Variants in TGFBR3 observed in about 807,000 individuals in gnomAD.
TGFBR3 encodes transforming growth factor beta receptor 3.
In TGFBR3, 46 loss-of-function variants were observed where a neutral mutation model predicts 87.9. That is an observed-to-expected ratio of 0.52 (90% CI 0.41 to 0.67). TGFBR3 has a LOEUF of 0.67. Among genes scored for constraint, TGFBR3 ranks in the 30% least tolerant of loss-of-function variants. The probability of loss-of-function intolerance (pLI) is 0.00; values close to 1 mark genes in which losing one functional copy is unlikely to be tolerated. For synonymous variants in TGFBR3, 381 were observed against 391.6 expected (o/e 0.97, Z 0.32); for missense variants, 866 against 1,041.9 (o/e 0.83, Z 2.32).
At chr1:91,789,785 T>C (rs1675119226) in intron 3 of TGFBR3, among the ~76,000 whole-genome samples, 2 of 152,340 alleles carry the variant, frequency 1.3e-5, no homozygotes, top group South Asian at 4.1e-4. Flanking sequence ...GCTTGCATTG[T>C]CCTCTGTTGT....
chr1:91,682,591 T>C lies in TGFBR3; in HGVS notation c.*1148A>G, dbSNP rs1175951165. 4.4e-6 allele frequency: 2 copies of C among 453,932 alleles called. No individual in the cohort carries two copies. Among genetic ancestry groups the C allele is most frequent in the Admixed American group, 2.3e-5 (1 of 42,554 alleles). 28.1% of individuals were successfully genotyped at this position (453,932 alleles called of 1,614,324 possible). On this transcript the variant is annotated 3_prime_UTR_variant, in exon 17 of 17. Transcript: ENST00000212355. ...GAGTGCCCTTTTCCAATCTCAGCACTGTCTTGGTGGAATTGGTGACACTAT... is the reference window on the plus strand; with the variant it reads ...GAGTGCCCTTTTCCAATCTCAGCACCGTCTTGGTGGAATTGGTGACACTAT...
chr1:91,703,797 G>A (rs1671701767), intron 14 of TGFBR3, among the ~76,000 whole-genome samples: 1 of 152,140 alleles, frequency 6.6e-6, no homozygotes, highest in African/African-American at 2.4e-5. Flanking sequence ...TAAATGTTTT[G>A]TCATAAACCA....
At chr1:91,754,069 C>T (rs1274566335) in intron 4 of TGFBR3, among the ~76,000 whole-genome samples, 1 of 152,108 alleles carries the variant, frequency 6.6e-6, no homozygotes, top group East Asian at 1.9e-4. Flanking sequence ...AGTGGCATCT[C>T]ACTGTGGTTT....
intron 2 of TGFBR3, among the ~76,000 whole-genome samples, chr1:91,801,752 C>T (rs1485344479): frequency 6.6e-6 from 1 of 151,956 alleles, no homozygotes; most frequent in East Asian, 1.9e-4. Flanking sequence ...AAATTAAGCC[C>T]AGAAATGCCT....
chr1:91,764,090 C>A lies in TGFBR3; in HGVS notation c.247-5340G>T, dbSNP rs185138133. Among the ~76,000 whole-genome samples, 220 of 151,540 alleles carry A rather than the reference C, an allele frequency of 1.5e-3. 1 individual carries two copies. Among genetic ancestry groups the A allele is most frequent in the African/African-American group, 4.8e-3 (197 of 40,990 alleles). On this transcript the variant is annotated intron_variant, in intron 3 of 16. Transcript: ENST00000212355. ...CTTGACATACACACACATTCCCCCC[C>A]ACACACACCCAGGGTCCCCATCCTG... is the stretch of plus-strand genomic sequence containing the variant.
chr1:91,717,821 A>G lies in TGFBR3; in HGVS notation c.1567-1113T>C, dbSNP rs141575026. Among the ~76,000 whole-genome samples the G allele has an allele frequency of 1.9e-3, 282 of 152,186 alleles. 1 individual carries two copies. Among genetic ancestry groups the G allele is most frequent in the African/African-American group, 6.7e-3 (277 of 41,556 alleles). ...ATAAAGAAAAGAAAAATATGTGAGA[A>G]AAAAAGGAACTTTAAGGGATCATTA... On this transcript the variant is annotated intron_variant, in intron 10 of 16. Transcript: ENST00000212355.
chr1:91,816,717 A>C (rs1676240700), intron 2 of TGFBR3, among the ~76,000 whole-genome samples: 1 of 152,248 alleles, frequency 6.6e-6, no homozygotes, highest in Non-Finnish European at 1.5e-5. Context: ...ATTCAAGTAT[A>C]ATTTTACCTA....
At position 91,720,133 on chromosome 1, in the gene TGFBR3, G is replaced by C; in HGVS notation, c.1173C>G (p.Ile391Met). The change falls in exon 9 of 17, where the codon ATC (isoleucine) becomes ATG (methionine). Residue 391 changes from isoleucine (I) to methionine (M), a missense_variant. Transcript: ENST00000212355. Reference sequence around the variant, plus strand: ...CTCCATTTTGGCCTTCCCCTCCCCGGATGGGCGGGTTCTGCAGGGCAGGCA... The same window carrying C: ...CTCCATTTTGGCCTTCCCCTCCCCGCATGGGCGGGTTCTGCAGGGCAGGCA... ...GALPALQNPP[I>M]RGGEGQNGGL... 1 of 1,614,084 alleles carries C rather than the reference G, an allele frequency of 6.2e-7. No homozygotes were observed. Among genetic ancestry groups the C allele is most frequent in the African/African-American group, 1.3e-5 (1 of 75,058 alleles).
intron 7 of TGFBR3, among the ~76,000 whole-genome samples, chr1:91,725,308 AT>A (rs1461220709): frequency 6.6e-6 from 1 of 152,078 alleles, no homozygotes; most frequent in East Asian, 1.9e-4. Flanking sequence ...ACTCCTTACA[AT>A]TCCCTTAGTA....
chr1:91,722,249 G>A (rs1672395884), intron 7 of TGFBR3, 105 bp from the exon 8 acceptor site: 1 of 976,458 alleles, frequency 1.0e-6, no homozygotes, highest in Non-Finnish European at 1.5e-6. Flanking sequence ...TGTATATGAG[G>A]GAATTATTTA....
chr1:91,745,900 C>A (rs957705695), intron 4 of TGFBR3, among the ~76,000 whole-genome samples: 3 of 152,182 alleles, frequency 2.0e-5, no homozygotes, highest in African/African-American at 4.8e-5. Context: ...TCATGAAACA[C>A]AAATCCATGC....
At chr1:91,743,325 C>T (rs541132810) in intron 4 of TGFBR3, among the ~76,000 whole-genome samples, 8 of 152,248 alleles carry the variant, frequency 5.3e-5, no homozygotes, top group Admixed American at 2.0e-4. Flanking sequence ...ACCCCTACCC[C>T]AAAAAGAATG....
chr1:91,848,978 G>A (rs1265920371), intron 2 of TGFBR3, among the ~76,000 whole-genome samples: 1 of 152,082 alleles, frequency 6.6e-6, no homozygotes, highest in Non-Finnish European at 1.5e-5. Flanking sequence ...ATTAGGCTAT[G>A]GCACAGTATT....
intron 2 of TGFBR3, among the ~76,000 whole-genome samples, chr1:91,821,383 C>T (rs1032255): frequency 0.11 from 17,011 of 149,580 alleles, 1,229 homozygotes; most frequent in East Asian, 0.38. Flanking sequence ...TACTTTTGCA[C>T]CAACCTAATA....
chr1:91,787,956 A>G (rs568833566), intron 3 of TGFBR3, among the ~76,000 whole-genome samples: 1 of 150,068 alleles, frequency 6.7e-6, no homozygotes, highest in Non-Finnish European at 1.5e-5. Context: ...AAAAAAAAAA[A>G]CCCCAAGAAG....
intron 4 of TGFBR3, among the ~76,000 whole-genome samples, chr1:91,752,781 G>T (rs1673595661): frequency 6.6e-6 from 1 of 152,082 alleles, no homozygotes; most frequent in Admixed American, 6.6e-5. Flanking sequence ...CCAGTACTTT[G>T]GGAGGCCAAG....
intron 5 of TGFBR3, among the ~76,000 whole-genome samples, chr1:91,733,035 AT>A (rs2100819751): frequency 6.6e-6 from 1 of 152,316 alleles, no homozygotes; most frequent in South Asian, 2.1e-4. Context: ...TAGAGTCTTT[AT>A]TAAAAGAAAT....
At position 91,681,715 on chromosome 1, in the gene TGFBR3, A is replaced by G. The variant is rs1670914722; in HGVS notation, c.*2024T>C. On this transcript the variant is annotated 3_prime_UTR_variant, in exon 17 of 17. Transcript: ENST00000212355. ...AAAACACTTAAATATATCTTTATACACAAATTTTGTAGTAAAATATAGCTA... is the reference window on the plus strand; with the variant it reads ...AAAACACTTAAATATATCTTTATACGCAAATTTTGTAGTAAAATATAGCTA... The G allele has an allele frequency of 2.3e-6, 1 of 434,136 alleles. No homozygotes were observed. The highest frequency in any genetic ancestry group is 2.1e-5 in the African/African-American group (1 of 48,736). The allele number at this position is 434,136 out of a possible 1,614,324, so 26.9% of individuals were successfully genotyped here.
At chr1:91,817,394 C>T (rs1676272094) in intron 2 of TGFBR3, among the ~76,000 whole-genome samples, 1 of 152,072 alleles carries the variant, frequency 6.6e-6, no homozygotes, top group Admixed American at 6.5e-5. Context: ...CAAAAGAACA[C>T]TATGATCATA....
Sources: allele counts gnomAD v4.1 joint callset (sites outside exome capture counted in the v4.1 genomes callset), GRCh38; gene constraint gnomAD v4.1.1; transcripts MANE v1.5; gene names NCBI Gene and HGNC (gene_info 2026-07-23, HGNC 2026-07-21).